The following PAXIP1 variants were observed in gnomAD, a reference collection of about 807,000 sequenced individuals.
PAXIP1 encodes the protein PAX interacting protein 1.
PAXIP1 carries 19 observed loss-of-function variants against 140.6 expected under a neutral mutation model. The observed-to-expected ratio is 0.14, with a 90% CI of 0.09 to 0.20. PAXIP1 has a LOEUF of 0.20. Among genes scored for constraint, PAXIP1 ranks in the 10% least tolerant of loss-of-function variants. PAXIP1 has a pLI of 1.00. For missense variants in PAXIP1, 920 were observed against 1,208.6 expected, an observed-to-expected ratio of 0.76 and a Z score of 3.54; for synonymous variants, 442 against 444.6, an observed-to-expected ratio of 0.99 and a Z score of 0.07.
At chr7:154,979,996 T>C (rs1158965373) in intron 5 of PAXIP1, among the ~76,000 whole-genome samples, 2 of 152,160 alleles carry the variant, frequency 1.3e-5, no homozygotes, top group Non-Finnish European at 2.9e-5. Context: ...CTCCCCGAAA[T>C]TTTGGAAATT....
At position 154,963,206 on chromosome 7, in the gene PAXIP1, C is replaced by T. The variant is rs796402972; in HGVS notation, c.1989+465G>A. ...TTTATTTTTTTTTGAGATGGAGTCT[C>T]GCTGTGTCACTCAGGCTGGAGTGCA... On this transcript the variant is annotated intron_variant, in intron 9 of 20. Transcript: ENST00000404141. The surrounding 1 kb of genome is among the most constrained non-coding windows in gnomAD (Gnocchi z 4.1). 1.3e-4 allele frequency among the ~76,000 whole-genome samples: 20 copies of T among 152,050 alleles called. No individual in the cohort carries two copies. Among genetic ancestry groups the T allele is most frequent in the African/African-American group, 4.8e-4 (20 of 41,458 alleles).
chr7:155,000,241 G>C (rs1294874410), intron 1 of PAXIP1: 1 of 152,192 alleles, frequency 6.6e-6, no homozygotes, highest in Non-Finnish European at 1.5e-5. Context: ...CTAGAGCAGA[G>C]GCTCAATATT....
chr7:154,948,143 T>A lies in PAXIP1; in HGVS notation c.2822-140A>T, dbSNP rs769927695. 17 of 664,294 alleles carry A rather than the reference T, an allele frequency of 2.6e-5. No homozygotes were observed. The South Asian group carries it at 2.8e-4, about 11-fold the overall frequency. The allele number at this position is 664,294 out of a possible 1,614,324, so 41.1% of individuals were successfully genotyped here. A position where few individuals can be genotyped will look rare whatever the true frequency, so the allele number is the denominator to read the frequency against. On this transcript the variant is annotated intron_variant, in intron 16 of 20. Coordinates refer to ENST00000404141, the MANE Select transcript of PAXIP1 (RefSeq NM_007349.4). Reference sequence around the variant, plus strand: ...TGTACAGCCTTCGGATATTTAAATGTCACCATTATATTTCATTTACTTCCC... The same window carrying A: ...TGTACAGCCTTCGGATATTTAAATGACACCATTATATTTCATTTACTTCCC...
In PAXIP1 at chr7:154,957,920, T is replaced by C. The variant is rs375284892; in HGVS notation, c.2479-626A>G. ...AAGCGGAGCTTGCAGTGAGCCGAGA[T>C]TGCGCCACTGCAGTCCGCAGTCTGG... is the stretch of plus-strand genomic sequence containing the variant. On this transcript the variant is annotated intron_variant, in intron 13 of 20. Coordinates refer to ENST00000404141, the MANE Select transcript of PAXIP1 (RefSeq NM_007349.4). Among the ~76,000 whole-genome samples the C allele has an allele frequency of 3.7e-4, 54 of 147,650 alleles. 1 individual carries two copies. The East Asian group carries it at 9.5e-3, about 26-fold the overall frequency.
chr7:154,955,702 C>G (rs1210703755), intron 14 of PAXIP1, 71 bp from the exon 15 acceptor site: 3 of 836,636 alleles, frequency 3.6e-6, no homozygotes, highest in African/African-American at 1.8e-5. Flanking sequence ...CTTTAGAAAA[C>G]AAGGGATTTC....
chr7:154,980,191 A>T (rs1809775924), intron 5 of PAXIP1, among the ~76,000 whole-genome samples: 2 of 152,188 alleles, frequency 1.3e-5, no homozygotes, highest in Admixed American at 1.3e-4. Context: ...CCAGAAAAAT[A>T]AAAATAAAAA....
intron 6 of PAXIP1, among the ~76,000 whole-genome samples, chr7:154,971,743 T>A (rs1047043830): frequency 2.0e-5 from 3 of 152,236 alleles, no homozygotes; most frequent in Non-Finnish European, 4.4e-5. Flanking sequence ...GAAAGCAGTA[T>A]GATACACATC....
intron 15 of PAXIP1, among the ~76,000 whole-genome samples, chr7:154,955,100 C>T (rs1225025396): frequency 2.0e-5 from 3 of 152,146 alleles, no homozygotes; most frequent in South Asian, 2.1e-4. Flanking sequence ...AAAACCTGTG[C>T]CCATTTATCA....
At chr7:154,958,704 C>CT (rs1231961257) in intron 13 of PAXIP1, among the ~76,000 whole-genome samples, 1 of 152,134 alleles carries the variant, frequency 6.6e-6, no homozygotes, top group Non-Finnish European at 1.5e-5. Context: ...CTCTTTGTCT[C>CT]TAAGATTTTT....
At chr7:154,990,958 AG>A (rs1810302408) in intron 4 of PAXIP1, 47 bp downstream of exon 4, 2 of 1,140,816 alleles carry the variant, frequency 1.8e-6, no homozygotes, top group Non-Finnish European at 2.5e-6. Context: ...ACAAAAACTC[AG>A]AAGTGTCACA....
chr7:155,002,861 G>A lies in PAXIP1; in HGVS notation c.69C>T (p.Asp23=). The change falls in exon 1 of 21, where the codon GAC becomes GAT. Residue 23 remains aspartate, a synonymous_variant. Transcript: ENST00000404141. ...FREVKYYAVG[D]IDPQVIQLLK... ...GCGGGCGCGGTACCTGCGGGTCGAT[G>A]TCGCCCACCGCGTAATACTTGACCT... 7.1e-7 allele frequency: 1 copy of A among 1,409,966 alleles called. No individual in the cohort carries two copies. Among genetic ancestry groups the A allele is most frequent in the Admixed American group, 2.1e-5 (1 of 46,984 alleles). 87.3% of individuals were successfully genotyped at this position (1,409,966 alleles called of 1,614,324 possible). A position where few individuals can be genotyped will look rare whatever the true frequency, so the allele number is the denominator to read the frequency against.
chr7:154,975,584 C>CTTAT, intron 6 of PAXIP1, 112 bp downstream of exon 6: 1 of 673,166 alleles, frequency 1.5e-6, no homozygotes, highest in Non-Finnish European at 2.5e-6. Flanking sequence ...ACAAATACTG[C>CTTAT]TTGTAAGTTA....
chr7:154,999,206 C>T (rs1810776699), intron 1 of PAXIP1, among the ~76,000 whole-genome samples: 1 of 152,138 alleles, frequency 6.6e-6, no homozygotes, highest in African/African-American at 2.4e-5. Context: ...TGAGCAGAAC[C>T]CTCATAAACG....
Position 154,973,851 on chromosome 7 carries a change from G to A in PAXIP1, c.1074+1845C>T, listed in dbSNP as rs1809443302. Among the ~76,000 whole-genome samples the A allele has an allele frequency of 6.6e-6, 1 of 152,188 alleles. No individual in the cohort carries two copies. The highest frequency in any genetic ancestry group is 2.4e-5 in the African/African-American group (1 of 41,454). Reference sequence around the variant, plus strand: ...CTTCAGGTTGTTCCTATATGCTACAGAGCCATTTTTCTGGGACTTTGAGCT... The same window carrying A: ...CTTCAGGTTGTTCCTATATGCTACAAAGCCATTTTTCTGGGACTTTGAGCT... On this transcript the variant is annotated intron_variant, in intron 6 of 20. Coordinates refer to ENST00000404141, the MANE Select transcript of PAXIP1 (RefSeq NM_007349.4). This position sits in a 1 kb window ranked among gnomAD's most constrained non-coding sequence, Gnocchi z 4.0.
At chr7:154,961,863 G>C (rs1808768592) in intron 10 of PAXIP1, among the ~76,000 whole-genome samples, 1 of 152,294 alleles carries the variant, frequency 6.6e-6, no homozygotes, top group South Asian at 2.1e-4. Context: ...GGAAGAAAAA[G>C]AATGAACATG....
chr7:154,985,058 A>G (rs1468821985), intron 4 of PAXIP1, among the ~76,000 whole-genome samples: 1 of 152,290 alleles, frequency 6.6e-6, no homozygotes, highest in East Asian at 1.9e-4. Flanking sequence ...TTCTTCACTG[A>G]TGTACGTTTG....
Position 154,951,432 on chromosome 7 carries a change from G to A in PAXIP1, c.2821+2823C>T, listed in dbSNP as rs1386598925. ...GGGCTGGGGTATATGGGAACTCACTGTACTTTCTGTAATTTTGCTGTGAAC... is the reference window on the plus strand; with the variant it reads ...GGGCTGGGGTATATGGGAACTCACTATACTTTCTGTAATTTTGCTGTGAAC... On this transcript the variant is annotated intron_variant, in intron 16 of 20. Transcript: ENST00000404141. 4 of 152,318 alleles carry A rather than the reference G, an allele frequency of 2.6e-5. No homozygotes were observed. In the East Asian group the frequency reaches 7.7e-4, roughly 29 times the overall value. The allele number at this position is 152,318 out of a possible 1,614,324, so 9.4% of individuals were successfully genotyped here.
At chr7:154,985,885 G>T in intron 4 of PAXIP1, 1 of 581,822 alleles carries the variant, frequency 1.7e-6, no homozygotes, top group South Asian at 1.8e-5. Flanking sequence ...ACAGTGCAAG[G>T]CACATGGGTA....
rs1021312051 is a variant in PAXIP1 at position 154,954,153 on chromosome 7, T to C, written c.2821+102A>G. ...TAAATTTAAATGAATAACTATCACATAGTTTAAAAATTAAATATTTGTTGG... is the reference window on the plus strand; with the variant it reads ...TAAATTTAAATGAATAACTATCACACAGTTTAAAAATTAAATATTTGTTGG... On this transcript the variant is annotated intron_variant, in intron 16 of 20. Coordinates refer to ENST00000404141, the MANE Select transcript of PAXIP1 (RefSeq NM_007349.4). The surrounding 1 kb of genome is among the most constrained non-coding windows in gnomAD (Gnocchi z 5.1). 1.2e-6 allele frequency: 1 copy of C among 819,830 alleles called. No individual in the cohort carries two copies. 50.8% of individuals were successfully genotyped at this position (819,830 alleles called of 1,614,324 possible). A position where few individuals can be genotyped will look rare whatever the true frequency, so the allele number is the denominator to read the frequency against.
Sources: allele counts gnomAD v4.1 joint callset (sites outside exome capture counted in the v4.1 genomes callset), GRCh38; gene constraint gnomAD v4.1.1; non-coding constraint Gnocchi (gnomAD v3.1); transcripts MANE v1.5; gene names NCBI Gene and HGNC (gene_info 2026-07-23, HGNC 2026-07-21).